Variants in FTCDNL1 observed in about 807,000 individuals in gnomAD.
FTCDNL1 encodes the protein formiminotransferase cyclodeaminase N-terminal like, also known as formiminotransferase N-terminal subdomain-containing protein.
In FTCDNL1, 11 loss-of-function variants were observed where a neutral mutation model predicts 5.9. That is an observed-to-expected ratio of 1.87 (90% CI 1.18 to 3.10). The LOEUF is 3.10. Ranked by LOEUF, FTCDNL1 falls within the 30% of genes most tolerant of loss-of-function variation. FTCDNL1 has a pLI of 0.00. For synonymous variants in FTCDNL1, 58 were observed against 24.8 expected (o/e 2.34, Z -3.99); for missense variants, 115 against 65.5 (o/e 1.76, Z -2.61).
chr2:199,737,828 G>C, the FTCDNL1 span, among the ~76,000 whole-genome samples: 1 of 152,200 alleles, frequency 6.6e-6, no homozygotes, highest in Non-Finnish European at 1.5e-5. Flanking sequence ...AGCTGGTCCT[G>C]CCTGGGTGTG....
chr2:199,819,326 G>A, intron 4 of FTCDNL1: 2 of 493,002 alleles, frequency 4.1e-6, no homozygotes. Context: ...CACGTTGCAG[G>A]GCTAATGATA....
chr2:199,667,203 A>T, the FTCDNL1 span, among the ~76,000 whole-genome samples: 1 of 152,252 alleles, frequency 6.6e-6, no homozygotes. Context: ...CAGTTATAAA[A>T]TAGTGAGTTG....
At chr2:199,822,231 C>G (rs1173448347) in intron 3 of FTCDNL1, among the ~76,000 whole-genome samples, 3 of 151,976 alleles carry the variant, frequency 2.0e-5, no homozygotes, top group African/African-American at 7.3e-5. Flanking sequence ...AGTGAGACAC[C>G]AACTCTACAA....
At chr2:199,738,972 A>C in the FTCDNL1 span, among the ~76,000 whole-genome samples, 2 of 152,246 alleles carry the variant, frequency 1.3e-5, no homozygotes, top group Non-Finnish European at 2.9e-5. Context: ...ATAGCACCAT[A>C]AAATGTGACA....
the FTCDNL1 span, among the ~76,000 whole-genome samples, chr2:199,743,222 G>A: frequency 1.3e-5 from 2 of 152,162 alleles, no homozygotes; most frequent in Non-Finnish European, 2.9e-5. Context: ...TGGGGAAACT[G>A]AGGCTCAGTG....
intron 3 of FTCDNL1, among the ~76,000 whole-genome samples, chr2:199,836,919 TC>T (rs916096838): frequency 7.9e-5 from 12 of 152,118 alleles, no homozygotes; most frequent in Non-Finnish European, 1.8e-4. Flanking sequence ...CCAGCTCTGG[TC>T]CCCCACAGGC....
intron 4 of FTCDNL1, chr2:199,818,782 AT>A (rs1701504637): frequency 6.6e-6 from 1 of 152,158 alleles, no homozygotes; most frequent in African/African-American, 2.4e-5. Flanking sequence ...GATACCTAGT[AT>A]TTTGGTAACT....
chr2:199,718,000 CA>C, the FTCDNL1 span, among the ~76,000 whole-genome samples: 7 of 122,346 alleles, frequency 5.7e-5, no homozygotes, highest in East Asian at 1.5e-3. Context: ...AAAAAAAAAA[CA>C]AAAAAAACGA....
At chr2:199,664,780 A>C in the FTCDNL1 span, among the ~76,000 whole-genome samples, 1 of 152,320 alleles carries the variant, frequency 6.6e-6, no homozygotes, top group East Asian at 1.9e-4. Flanking sequence ...GGTTTTTTTA[A>C]ATTTTAATTA....
chr2:199,790,642 TTAAA>T (rs1699877450), intron 3 of FTCDNL1, among the ~76,000 whole-genome samples: 1 of 152,168 alleles, frequency 6.6e-6, no homozygotes, highest in Non-Finnish European at 1.5e-5. Flanking sequence ...TAGGCAATTC[TTAAA>T]TAAATACTTT....
chr2:199,709,542 G>A, the FTCDNL1 span, among the ~76,000 whole-genome samples: 13 of 152,254 alleles, frequency 8.5e-5, no homozygotes, highest in South Asian at 1.9e-3. Context: ...TGAGAATTGC[G>A]TATGGAGTAG....
chr2:199,762,906 T>TTCAG (rs1212315666), intron 3 of FTCDNL1, among the ~76,000 whole-genome samples: 1 of 152,174 alleles, frequency 6.6e-6, no homozygotes, highest in Non-Finnish European at 1.5e-5. Flanking sequence ...AAATGCAAGG[T>TTCAG]TCAGTGTTAA....
At chr2:199,739,495 G>A in the FTCDNL1 span, among the ~76,000 whole-genome samples, 1 of 152,204 alleles carries the variant, frequency 6.6e-6, no homozygotes, top group Non-Finnish European at 1.5e-5. Context: ...TCACCACACT[G>A]TGGACAACAC....
At chr2:199,796,704 CAAATTTACTCATATTACA>C (rs1387978597) in intron 3 of FTCDNL1, among the ~76,000 whole-genome samples, 1 of 151,904 alleles carries the variant, frequency 6.6e-6, no homozygotes, top group African/African-American at 2.4e-5. Flanking sequence ...GGATCAATGG[CAAATTTACTCATATTACA>C]AAATTTGCTC....
chr2:199,818,089 A>T (rs1398375358), intron 4 of FTCDNL1, among the ~76,000 whole-genome samples: 1 of 152,218 alleles, frequency 6.6e-6, no homozygotes, highest in Non-Finnish European at 1.5e-5. Context: ...GCTTAACCTA[A>T]TGATCTCACA....
chr2:199,678,867 T>C, the FTCDNL1 span, among the ~76,000 whole-genome samples: 6 of 152,258 alleles, frequency 3.9e-5, no homozygotes, highest in South Asian at 1.0e-3. Flanking sequence ...GTTTTTCTTA[T>C]AAAATTGCAA....
the FTCDNL1 span, among the ~76,000 whole-genome samples, chr2:199,727,224 T>C: frequency 2.0e-5 from 3 of 152,228 alleles, no homozygotes; most frequent in Admixed American, 6.5e-5. Context: ...AGGGAATTCC[T>C]TCTGGTCCAA....
At chr2:199,839,359 A>T (rs757946025) in intron 3 of FTCDNL1, among the ~76,000 whole-genome samples, 6 of 152,212 alleles carry the variant, frequency 3.9e-5, no homozygotes, top group Non-Finnish European at 8.8e-5. Flanking sequence ...AGCCATAAAA[A>T]CTTATGGAAG....
At chr2:199,762,900 G>T (rs1409346801) in intron 3 of FTCDNL1, among the ~76,000 whole-genome samples, 5 of 152,146 alleles carry the variant, frequency 3.3e-5, no homozygotes, top group Non-Finnish European at 5.9e-5. Context: ...CCTGTAAAAT[G>T]CAAGGTTCAG....
Sources: gnomAD v4.1 joint callset for allele counts (sites outside exome capture counted in the v4.1 genomes callset) on GRCh38, gnomAD v4.1.1 for gene constraint, MANE v1.5 for transcripts, NCBI Gene and HGNC (gene_info 2026-07-23, HGNC 2026-07-21) for gene names.